The following FBXW8 variants were observed in gnomAD, a reference collection of about 807,000 sequenced individuals.
FBXW8 encodes the protein F-box and WD repeat domain containing 8, also known as F-box/WD repeat-containing protein 8.
Under a neutral mutation model 65.3 loss-of-function variants are expected in FBXW8, and 57 were observed. The observed-to-expected ratio is 0.87, with a 90% CI of 0.71 to 1.09. The LOEUF (loss-of-function observed/expected upper bound fraction) is 1.09, where lower values mean the gene tolerates loss of function less well. Among genes scored for constraint, FBXW8 ranks in the 50% least tolerant of loss-of-function variants. The pLI, the probability that FBXW8 is intolerant of heterozygous loss-of-function variation, is 0.00. For synonymous variants in FBXW8, 308 were observed against 330.2 expected (o/e 0.93, Z 0.73); for missense variants, 777 against 814.8 (o/e 0.95, Z 0.57).
chr12:117,012,381 G>T (rs1953843693), intron 8 of FBXW8, among the ~76,000 whole-genome samples: 1 of 152,132 alleles, frequency 6.6e-6, no homozygotes, highest in Non-Finnish European at 1.5e-5. Context: ...CATTTAACCA[G>T]TGTGAGTCCT....
intron 1 of FBXW8, 147 bp downstream of exon 1, chr12:116,911,502 A>G (rs1259154993): frequency 3.7e-6 from 2 of 534,518 alleles, no homozygotes; most frequent in Non-Finnish European, 5.7e-6. Flanking sequence ...TTGTGCTTGC[A>G]TAGGGGTCTT....
intron 8 of FBXW8, 44 bp from the exon 9 acceptor site, chr12:117,024,103 C>CTCTAACCCCATTTCCCT (rs1954165648): frequency 6.3e-7 from 1 of 1,594,484 alleles, no homozygotes. Context: ...GAAGCTTTGA[C>CTCTAACCCCATTTCCCT]TCTAACCCCA....
At chr12:116,964,502 G>A (rs1592896468) in intron 4 of FBXW8, among the ~76,000 whole-genome samples, 195 bp from the exon 5 acceptor site, 1 of 152,314 alleles carries the variant, frequency 6.6e-6, no homozygotes, top group South Asian at 2.1e-4. Context: ...GTGAGAATGT[G>A]AAGCGTGTTC....
chr12:116,969,598 G>A (rs1178559691), intron 5 of FBXW8, among the ~76,000 whole-genome samples: 1 of 152,138 alleles, frequency 6.6e-6, no homozygotes, highest in African/African-American at 2.4e-5. Context: ...TCTAAAATTT[G>A]TGACACGGAA....
At chr12:116,997,402 G>C (rs1157786449) in intron 7 of FBXW8, among the ~76,000 whole-genome samples, 1 of 152,218 alleles carries the variant, frequency 6.6e-6, no homozygotes, top group Non-Finnish European at 1.5e-5. Flanking sequence ...CAAGATAGCA[G>C]TTGTGTCACC....
intron 1 of FBXW8, among the ~76,000 whole-genome samples, chr12:116,920,691 AG>A (rs1294655523): frequency 6.6e-6 from 1 of 152,092 alleles, no homozygotes; most frequent in Non-Finnish European, 1.5e-5. Flanking sequence ...GCAAGTGCAA[AG>A]GTTCTGTGGT....
chr12:116,928,086 T>C lies in FBXW8; in HGVS notation c.382T>C (p.Phe128Leu), dbSNP rs1881471310. The change falls in exon 2 of 11, where the codon TTT (phenylalanine) becomes CTT (leucine). Residue 128 changes from phenylalanine to leucine, a missense_variant. Physicochemically the swap from Phe to Leu is conservative, Grantham distance 22. Coordinates refer to ENST00000652555, the MANE Select transcript of FBXW8 (RefSeq NM_153348.3). ...QLPYELAINI[F>L]QYLDRKELGR... ...GCCTTACGAATTGGCAATCAATATA[T>C]TTCAGTATCTGGACAGGAAAGAACT... 1.9e-6 allele frequency: 3 copies of C among 1,612,496 alleles called. No individual in the cohort carries two copies. The highest frequency in any genetic ancestry group is 1.1e-5 in the South Asian group (1 of 90,544).
chr12:117,008,191 A>G (rs1289498902), intron 7 of FBXW8, among the ~76,000 whole-genome samples: 1 of 152,228 alleles, frequency 6.6e-6, no homozygotes, highest in Non-Finnish European at 1.5e-5. Flanking sequence ...TACCATCAAC[A>G]TTCTACCGAC....
intron 4 of FBXW8, among the ~76,000 whole-genome samples, chr12:116,960,584 T>G (rs1261256622): frequency 6.6e-6 from 1 of 152,204 alleles, no homozygotes; most frequent in Non-Finnish European, 1.5e-5. Flanking sequence ...TGGAAATAAG[T>G]GGAAGCAGTC....
At chr12:116,996,302 G>A (rs1382769277) in intron 7 of FBXW8, among the ~76,000 whole-genome samples, 1 of 152,170 alleles carries the variant, frequency 6.6e-6, no homozygotes, top group Admixed American at 6.5e-5. Context: ...GAAAATCATT[G>A]CTAACGTCTC....
At chr12:116,968,582 G>C (rs867229459) in intron 5 of FBXW8, among the ~76,000 whole-genome samples, 1 of 152,156 alleles carries the variant, frequency 6.6e-6, no homozygotes, top group Non-Finnish European at 1.5e-5. Context: ...GAAAAACCTT[G>C]TAAAGATGAC....
chr12:116,976,020 G>C (rs2137415696), intron 5 of FBXW8, among the ~76,000 whole-genome samples: 1 of 152,338 alleles, frequency 6.6e-6, no homozygotes, highest in Non-Finnish European at 1.5e-5. Context: ...CTATGGTTAT[G>C]TAATAGGTTA....
chr12:116,957,478 C>T (rs992485994), intron 4 of FBXW8, among the ~76,000 whole-genome samples: 34 of 152,180 alleles, frequency 2.2e-4, no homozygotes, highest in Admixed American at 7.2e-4. Flanking sequence ...CTGAAGCCCT[C>T]AAGGATCGTG....
At chr12:116,917,509 C>G (rs755693780) in intron 1 of FBXW8, among the ~76,000 whole-genome samples, 1 of 152,214 alleles carries the variant, frequency 6.6e-6, no homozygotes, top group Non-Finnish European at 1.5e-5. Context: ...ATTAGTGCAC[C>G]CTGTTGTATT....
At chr12:116,955,541 CAG>C (rs1185038511) in intron 4 of FBXW8, among the ~76,000 whole-genome samples, 3 of 152,192 alleles carry the variant, frequency 2.0e-5, no homozygotes, top group Non-Finnish European at 2.9e-5. Context: ...TGTTTTAGCA[CAG>C]AGTTTGTCTA....
chr12:116,949,231 T>A (rs1883115189), intron 3 of FBXW8: 1 of 199,550 alleles, frequency 5.0e-6, no homozygotes, highest in Non-Finnish European at 1.0e-5. Context: ...ACTTTCTTTT[T>A]GCTGAACGGA....
chr12:117,024,422 C>A, intron 9 of FBXW8, 102 bp downstream of exon 9: 1 of 1,374,322 alleles, frequency 7.3e-7, no homozygotes. Flanking sequence ...CCCTACCCCC[C>A]GGCTTCGCCA....
intron 8 of FBXW8, among the ~76,000 whole-genome samples, chr12:117,016,736 T>G (rs1953957548): frequency 6.6e-6 from 1 of 152,132 alleles, no homozygotes; most frequent in South Asian, 2.1e-4. Context: ...AACTCCTAAG[T>G]TTTCTTCAAA....
At chr12:116,951,574 A>G (rs1307793504) in intron 4 of FBXW8, among the ~76,000 whole-genome samples, 1 of 152,026 alleles carries the variant, frequency 6.6e-6, no homozygotes, top group African/African-American at 2.4e-5. Context: ...GTCTGTTCAG[A>G]GGCTTAGTTT....
Sources: gnomAD v4.1 joint callset for allele counts (sites outside exome capture counted in the v4.1 genomes callset) on GRCh38, gnomAD v4.1.1 for gene constraint, MANE v1.5 for transcripts, NCBI Gene and HGNC (gene_info 2026-07-23, HGNC 2026-07-21) for gene names.